The following RBFOX1 variants were observed in gnomAD, a reference collection of about 807,000 sequenced individuals.
The protein encoded by RBFOX1 is RNA binding fox-1 homolog 1, also known as RNA binding protein fox-1 homolog 1.
RBFOX1 carries 8 observed loss-of-function variants against 57.7 expected under a neutral mutation model. The observed-to-expected ratio is 0.14, with a 90% CI of 0.08 to 0.25. The LOEUF (loss-of-function observed/expected upper bound fraction) is 0.25, where lower values mean the gene tolerates loss of function less well. Ranked by LOEUF, RBFOX1 falls within the 10% of genes least tolerant of loss-of-function variation. RBFOX1 has a pLI of 1.00. For synonymous variants in RBFOX1, 326 were observed against 222.4 expected (o/e 1.47, Z -4.15); for missense variants, 611 against 548.5 (o/e 1.11, Z -1.14).
At position 6,233,166 on chromosome 16, in the gene RBFOX1, A is replaced by G. The variant is rs72776428; in HGVS notation, c.-126-83829A>G. ...AGCCCGATCACAAAGCAGGTTATGT[A>G]TTGTGATTGGGTTTGGAATTTATTC... On this transcript the variant is annotated intron_variant, in intron 1 of 15. Transcript: ENST00000550418. 2.4e-3 allele frequency among the ~76,000 whole-genome samples: 369 copies of G among 152,240 alleles called. 4 individuals are homozygous for G. Among genetic ancestry groups the G allele is most frequent in the Non-Finnish European group, 4.0e-3 (271 of 68,014 alleles).
intron 3 of RBFOX1, among the ~76,000 whole-genome samples, chr16:7,013,767 C>T (rs77356628): frequency 0.016 from 2,391 of 152,196 alleles, 67 homozygotes; most frequent in African/African-American, 0.054. Flanking sequence ...AAGCAATCCT[C>T]TTATCTTAGC....
At chr16:6,172,777 A>AT (rs937739256) in intron 1 of RBFOX1, among the ~76,000 whole-genome samples, 80 of 152,172 alleles carry the variant, frequency 5.3e-4, no homozygotes, top group Non-Finnish European at 6.6e-4. Flanking sequence ...TGCTGCATTT[A>AT]TTTTTTTATT....
intron 3 of RBFOX1, among the ~76,000 whole-genome samples, chr16:7,019,498 G>T (rs940239089): frequency 6.6e-6 from 1 of 152,120 alleles, no homozygotes; most frequent in African/African-American, 2.4e-5. Context: ...AAGCTCTCTT[G>T]TCTGAACCCC....
At chr16:6,937,889 G>C (rs1378445896) in intron 3 of RBFOX1, among the ~76,000 whole-genome samples, 1 of 145,398 alleles carries the variant, frequency 6.9e-6, no homozygotes, top group South Asian at 2.2e-4. Context: ...AGGGAGATGG[G>C]TATCATGAGG....
At chr16:7,340,639 C>A (rs76957562) in intron 4 of RBFOX1, among the ~76,000 whole-genome samples, 1 of 152,146 alleles carries the variant, frequency 6.6e-6, no homozygotes, top group African/African-American at 2.4e-5. Context: ...GCAGCCACAC[C>A]ACTTCTCTTC....
At chr16:7,108,382 T>G (rs1047824499) in intron 4 of RBFOX1, among the ~76,000 whole-genome samples, 1 of 152,210 alleles carries the variant, frequency 6.6e-6, no homozygotes, top group Non-Finnish European at 1.5e-5. Context: ...TGAAAACATG[T>G]ACAAGTTGAA....
intron 4 of RBFOX1, among the ~76,000 whole-genome samples, chr16:7,151,750 G>C (rs2076154258): frequency 6.6e-6 from 1 of 152,052 alleles, no homozygotes; most frequent in Admixed American, 6.6e-5. Flanking sequence ...CCTGCAACTA[G>C]ACAGTCCCAT....
At chr16:5,797,811 C>A (rs1412765405) in intron 3 of RBFOX1, among the ~76,000 whole-genome samples, 1 of 152,030 alleles carries the variant, frequency 6.6e-6, no homozygotes, top group Non-Finnish European at 1.5e-5. Flanking sequence ...TTACACTGAC[C>A]TGAGTGATGG....
At chr16:5,881,350 G>T (rs140643338) in intron 4 of RBFOX1, among the ~76,000 whole-genome samples, 1 of 152,260 alleles carries the variant, frequency 6.6e-6, no homozygotes, top group Admixed American at 6.5e-5. Flanking sequence ...TTAACCTGTG[G>T]CTTCTTCTTT....
At chr16:7,499,964 A>G (rs2070137857) in intron 4 of RBFOX1, among the ~76,000 whole-genome samples, 1 of 151,778 alleles carries the variant, frequency 6.6e-6, no homozygotes, top group African/African-American at 2.4e-5. Flanking sequence ...AACATCTTCC[A>G]TATTTCCAAA....
chr16:5,582,067 G>A (rs552254116), intron 2 of RBFOX1, among the ~76,000 whole-genome samples: 60 of 152,310 alleles, frequency 3.9e-4, no homozygotes, highest in African/African-American at 7.5e-4. Flanking sequence ...ATTCAAACTT[G>A]CAATTATTTC....
rs141266572 is a variant in RBFOX1 at position 7,640,708 on chromosome 16, A to G, written c.757+10025A>G. Among the ~76,000 whole-genome samples the G allele has an allele frequency of 4.3e-3, 652 of 152,274 alleles. 3 individuals are homozygous for G. Among genetic ancestry groups the G allele is most frequent in the African/African-American group, 0.015 (620 of 41,562 alleles). The stretch of plus-strand genomic sequence containing the variant: ...TAGCATTGACAGAAAGTGTTTTTTA[A>G]TGCTCACATTTTCTTAAGAGGATCA... On this transcript the variant is annotated intron_variant, in intron 11 of 15. Transcript: ENST00000550418.
intron 12 of RBFOX1, among the ~76,000 whole-genome samples, chr16:7,659,656 A>G (rs761185491): frequency 3.9e-5 from 6 of 152,242 alleles, no homozygotes; most frequent in Non-Finnish European, 8.8e-5. Context: ...TTGGGGCTGC[A>G]TTCAAAGTTG....
chr16:5,942,177 C>A (rs1002832200), intron 4 of RBFOX1, among the ~76,000 whole-genome samples: 3 of 152,214 alleles, frequency 2.0e-5, no homozygotes, highest in South Asian at 2.1e-4. Flanking sequence ...TACATATAGA[C>A]GCAGCTAAAT....
At chr16:6,723,789 T>G (rs145447085) in intron 3 of RBFOX1, 1 of 152,100 alleles carries the variant, frequency 6.6e-6, no homozygotes. Context: ...CCTAGACTTC[T>G]GGAGAGTCTT....
At position 6,971,123 on chromosome 16, in the gene RBFOX1, A is replaced by G. The variant is rs117345127; in HGVS notation, c.-15-80934A>G. ...GTTATAATCTAGCGGAGGAAGACAGACATTTGACAATTGAGTGGGTCTACT... is the reference window on the plus strand; with the variant it reads ...GTTATAATCTAGCGGAGGAAGACAGGCATTTGACAATTGAGTGGGTCTACT... On this transcript the variant is annotated intron_variant, in intron 3 of 15. Coordinates refer to ENST00000550418, the MANE Select transcript of RBFOX1 (RefSeq NM_018723.4). 3.9e-5 allele frequency among the ~76,000 whole-genome samples: 6 copies of G among 152,212 alleles called. No individual in the cohort carries two copies. In the East Asian group the frequency reaches 5.8e-4, roughly 15 times the overall value.
At chr16:5,868,122 A>T (rs986481698) in intron 4 of RBFOX1, among the ~76,000 whole-genome samples, 5 of 152,150 alleles carry the variant, frequency 3.3e-5, no homozygotes, top group Admixed American at 1.3e-4. Flanking sequence ...CAGCAAGGTG[A>T]CCACCCATTG....
chr16:5,710,476 A>T (rs1251286466), intron 3 of RBFOX1, among the ~76,000 whole-genome samples: 1 of 152,156 alleles, frequency 6.6e-6, no homozygotes, highest in Non-Finnish European at 1.5e-5. Flanking sequence ...CTGCTATGCT[A>T]ACACAAGTCA....
At chr16:6,912,816 C>A (rs1033712584) in intron 3 of RBFOX1, among the ~76,000 whole-genome samples, 1 of 151,920 alleles carries the variant, frequency 6.6e-6, no homozygotes. Context: ...GACTTTGTCC[C>A]ACTGTGTTGC....
Sources: gnomAD v4.1 joint callset for allele counts (sites outside exome capture counted in the v4.1 genomes callset) on GRCh38, gnomAD v4.1.1 for gene constraint, MANE v1.5 for transcripts, NCBI Gene and HGNC (gene_info 2026-07-23, HGNC 2026-07-21) for gene names.